The following WIPF1 variants were observed in gnomAD, a reference collection of about 807,000 sequenced individuals.
WIPF1 encodes WAS/WASL interacting protein family member 1.
In WIPF1, 13 loss-of-function variants were observed where a neutral mutation model predicts 35.4. The ratio of observed to expected loss-of-function variants is 0.37; its 90% CI spans 0.24 to 0.58. The LOEUF (loss-of-function observed/expected upper bound fraction) is 0.58. WIPF1 is among the 20% of genes least tolerant of loss of function. WIPF1 has a pLI of 0.74. For missense variants in WIPF1, 591 were observed against 667.0 expected, an observed-to-expected ratio of 0.89 and a Z score of 1.25; for synonymous variants, 267 against 266.3, an observed-to-expected ratio of 1.00 and a Z score of -0.02.
chr2:174,606,324 C>T (rs1434332652), intron 1 of WIPF1, among the ~76,000 whole-genome samples: 1 of 152,116 alleles, frequency 6.6e-6, no homozygotes, highest in African/African-American at 2.4e-5. Context: ...CAATGAAAAT[C>T]CCCCCAAATA....
At chr2:174,578,809 AT>A (rs1238428401) in intron 3 of WIPF1, among the ~76,000 whole-genome samples, 1 of 152,260 alleles carries the variant, frequency 6.6e-6, no homozygotes, top group Non-Finnish European at 1.5e-5. Flanking sequence ...AACAGGATAA[AT>A]CATATAAGAC....
At chr2:174,624,614 C>G (rs1458389689) in intron 1 of WIPF1, among the ~76,000 whole-genome samples, 1 of 152,152 alleles carries the variant, frequency 6.6e-6, no homozygotes, top group Non-Finnish European at 1.5e-5. Context: ...ATTTAACAAC[C>G]AATGAGGCAC....
intron 1 of WIPF1, among the ~76,000 whole-genome samples, chr2:174,588,093 G>A (rs1685482395): frequency 6.6e-6 from 1 of 152,176 alleles, no homozygotes; most frequent in African/African-American, 2.4e-5. Flanking sequence ...GGAGTCAGAC[G>A]TCTCCTAGGA....
upstream of WIPF1, among the ~76,000 whole-genome samples, chr2:174,602,029 G>C (rs1056767328): frequency 6.6e-6 from 1 of 152,192 alleles, no homozygotes; most frequent in Non-Finnish European, 1.5e-5. Flanking sequence ...TATAACCAAA[G>C]GCCTGAGATA....
At chr2:174,627,087 T>A (rs184334037) in intron 1 of WIPF1, among the ~76,000 whole-genome samples, 102 of 152,278 alleles carry the variant, frequency 6.7e-4, no homozygotes, top group African/African-American at 2.2e-3. Flanking sequence ...TGGTGAATTA[T>A]CTCACCATTT....
chr2:174,645,960 A>G (rs2105954133), intron 1 of WIPF1, among the ~76,000 whole-genome samples: 1 of 152,350 alleles, frequency 6.6e-6, no homozygotes, highest in East Asian at 1.9e-4. Flanking sequence ...ATCCAGGGTG[A>G]GTTTTAAGAA....
In WIPF1 at chr2:174,649,004, T is replaced by C. The variant is rs541950187; in HGVS notation, c.-39+33770A>G. On this transcript the variant is annotated intron_variant, in intron 1 of 8. Transcript: ENST00000272746. ...CATTTAACTTACATAAATCCAACTT[T>C]TAATGCTTGAGGGAGAAGGAGAAAG... is the stretch of plus-strand genomic sequence containing the variant. Among the ~76,000 whole-genome samples the C allele has an allele frequency of 3.9e-5, 6 of 152,292 alleles. No homozygotes were observed. The South Asian group carries it at 1.2e-3, about 32-fold the overall frequency.
chr2:174,646,831 T>C (rs1687419526), intron 1 of WIPF1, among the ~76,000 whole-genome samples: 1 of 152,010 alleles, frequency 6.6e-6, no homozygotes, highest in African/African-American at 2.4e-5. Flanking sequence ...CCTAGGTGGG[T>C]CTCGAACTCC....
At chr2:174,649,367 G>T (rs1574859849) in intron 1 of WIPF1, among the ~76,000 whole-genome samples, 1 of 152,124 alleles carries the variant, frequency 6.6e-6, no homozygotes, top group East Asian at 1.9e-4. Flanking sequence ...GATAACAAGG[G>T]TTCAGTCAGG....
chr2:174,667,610 C>T (rs1057254835), intron 1 of WIPF1, among the ~76,000 whole-genome samples: 5 of 152,176 alleles, frequency 3.3e-5, no homozygotes, highest in Non-Finnish European at 5.9e-5. Flanking sequence ...ATCCCAGGAG[C>T]GGCAAATCCT....
intron 1 of WIPF1, among the ~76,000 whole-genome samples, chr2:174,667,364 G>A (rs1454389037): frequency 1.3e-5 from 2 of 152,144 alleles, no homozygotes; most frequent in South Asian, 2.1e-4. Flanking sequence ...CAAGATCAGG[G>A]CTGAAATCAG....
intron 1 of WIPF1, among the ~76,000 whole-genome samples, chr2:174,644,875 G>T (rs1032818179): frequency 3.3e-5 from 5 of 152,146 alleles, no homozygotes; most frequent in African/African-American, 7.2e-5. Flanking sequence ...TTTAAAAAAT[G>T]AAGTACTTTT....
intron 1 of WIPF1, among the ~76,000 whole-genome samples, chr2:174,675,586 T>C (rs1039408613): frequency 3.3e-5 from 5 of 152,160 alleles, no homozygotes; most frequent in Non-Finnish European, 5.9e-5. Context: ...TCTCCTGGGT[T>C]CAAGTGATCC....
In WIPF1 at chr2:174,628,884, T is replaced by C. The variant is rs560091144; in HGVS notation, c.-38-43273A>G. ...CCTTCTAGTTGTAAAAAATCCAAGA[T>C]TATTTTTTTCCTACCTCTTTAAGAT... On this transcript the variant is annotated intron_variant, in intron 1 of 8. Coordinates refer to the WIPF1 transcript ENST00000272746. Among the ~76,000 whole-genome samples, 70 of 152,374 alleles carry C rather than the reference T, an allele frequency of 4.6e-4. No individual in the cohort carries two copies. The East Asian group carries it at 5.0e-3, about 11-fold the overall frequency.
chr2:174,565,544 A>C (rs760140679), intron 7 of WIPF1, among the ~76,000 whole-genome samples: 19 of 152,272 alleles, frequency 1.2e-4, no homozygotes, highest in Middle Eastern at 3.4e-3. Context: ...CTGACCTGGG[A>C]CTGCCATCTG....
At chr2:174,652,444 C>T (rs759570479) in intron 1 of WIPF1, among the ~76,000 whole-genome samples, 8 of 152,120 alleles carry the variant, frequency 5.3e-5, no homozygotes, top group South Asian at 2.1e-4. Context: ...CCTACATGGA[C>T]GTTATGTAAA....
At position 174,572,257 on chromosome 2, in the gene WIPF1, A is replaced by G. The variant is rs1215673689; in HGVS notation, c.548T>C (p.Ile183Thr). The G allele has an allele frequency of 6.2e-7, 1 of 1,614,038 alleles. No individual in the cohort carries two copies. The highest frequency in any genetic ancestry group is 1.7e-5 in the Admixed American group (1 of 60,024). Reference protein sequence around the residue: ...RPDVGSKPDSIPPPVPSTPRP... With the variant: ...RPDVGSKPDSTPPPVPSTPRP... ...TGGAGTACTAGGTACTGGAGGAGGA[A>G]TGCTATCAGGCTTTGAGCCCACGTC... The change falls in exon 5 of 8, where the codon ATT (isoleucine) becomes ACT (threonine). Residue 183 changes from isoleucine to threonine, a missense_variant. Physicochemically the swap from Ile to Thr is moderately conservative, Grantham distance 89. Around this residue, in one of 3 missense-constraint regions of WIPF1, gnomAD observed 471 missense variants for 501.1 expected, o/e 0.94. Transcript: ENST00000679041.
chr2:174,640,435 C>T (rs1687273011), intron 1 of WIPF1, among the ~76,000 whole-genome samples: 1 of 148,244 alleles, frequency 6.7e-6, no homozygotes, highest in African/African-American at 2.5e-5. Flanking sequence ...ACCAGCATGG[C>T]ACACGTATAC....
Position 174,648,970 on chromosome 2 carries a change from T to C in WIPF1, c.-39+33804A>G, listed in dbSNP as rs567142129. ...ACATTTCACATTTGTGCAGTTTGCA[T>C]AACAGGCACATTTAACTTACATAAA... is the stretch of plus-strand genomic sequence containing the variant. On this transcript the variant is annotated intron_variant, in intron 1 of 8. Transcript: ENST00000272746. Among the ~76,000 whole-genome samples the C allele has an allele frequency of 2.0e-5, 3 of 152,382 alleles. No individual in the cohort carries two copies. The South Asian group carries it at 6.2e-4, about 32-fold the overall frequency.
Sources: gnomAD v4.1 joint callset for allele counts (sites outside exome capture counted in the v4.1 genomes callset) on GRCh38, gnomAD v4.1.1 for gene constraint, gnomAD v4.1.1 regional missense constraint, MANE v1.5 for transcripts, NCBI Gene and HGNC (gene_info 2026-07-23, HGNC 2026-07-21) for gene names.